Variants in MPDZ observed in about 807,000 individuals in gnomAD.
MPDZ encodes multiple PDZ domain protein.
Under a neutral mutation model 239.1 loss-of-function variants are expected in MPDZ, and 234 were observed. The observed-to-expected ratio is 0.98, with a 90% CI of 0.88 to 1.09. MPDZ has a LOEUF of 1.09. Among genes scored for constraint, MPDZ ranks in the 50% least tolerant of loss-of-function variants. The probability of loss-of-function intolerance (pLI) is 0.00; values close to 1 mark genes in which losing one functional copy is unlikely to be tolerated. For synonymous variants in MPDZ, 1,048 were observed against 881.3 expected, an observed-to-expected ratio of 1.19 and a Z score of -3.35; for missense variants, 3,175 against 2,510.0, an observed-to-expected ratio of 1.26 and a Z score of -5.66.
In MPDZ at chr9:13,146,499, G is replaced by A. The variant is rs558117941; in HGVS notation, c.3741+1049C>T. Among the ~76,000 whole-genome samples, 5 of 151,980 alleles carry A rather than the reference G, an allele frequency of 3.3e-5. 1 individual carries two copies. The highest frequency in any genetic ancestry group is 1.2e-4 in the African/African-American group (5 of 41,500). On this transcript the variant is annotated intron_variant, in intron 26 of 46. Coordinates refer to ENST00000319217, the MANE Select transcript of MPDZ (RefSeq NM_001378778.1). ...AAATTAAATATTTTAAGTTTTAGACGATGCGTTCAACTTCCCTCACATATG... is the reference window on the plus strand; with the variant it reads ...AAATTAAATATTTTAAGTTTTAGACAATGCGTTCAACTTCCCTCACATATG...
chr9:13,223,971 C>A (rs1366276570), intron 4 of MPDZ, among the ~76,000 whole-genome samples: 1 of 151,862 alleles, frequency 6.6e-6, no homozygotes, highest in Non-Finnish European at 1.5e-5. Flanking sequence ...GAATTTGGGA[C>A]TGTAGTGAGC....
chr9:13,191,016 CATAACTTAA>C, intron 15 of MPDZ, among the ~76,000 whole-genome samples: 1 of 152,070 alleles, frequency 6.6e-6, no homozygotes, highest in Non-Finnish European at 1.5e-5. Context: ...TCTGTATGAA[CATAACTTAA>C]AGAAAGATGT....
chr9:13,153,302 T>C (rs1429743262), intron 24 of MPDZ, among the ~76,000 whole-genome samples: 2 of 152,144 alleles, frequency 1.3e-5, no homozygotes, highest in Non-Finnish European at 2.9e-5. Flanking sequence ...ACCTGTTTAG[T>C]TTAAAACGAC....
At position 13,126,729 on chromosome 9, in the gene MPDZ, A is replaced by C; in HGVS notation, c.4508T>G (p.Leu1503Arg). 2 of 1,613,904 alleles carry C rather than the reference A, an allele frequency of 1.2e-6. No homozygotes were observed. The highest frequency in any genetic ancestry group is 1.7e-6 in the Non-Finnish European group (2 of 1,179,812). ...LGIAISEEDT[L>R]SGVIIKSLTE... ...TAAGCTCTTTATGATGACTCCACTG[A>C]GTGTATCTTCTTCGCTGATAGCAAT... Residue 1503 changes from leucine (L) to arginine (R), a missense_variant, in exon 33 of 47, where the codon CTC becomes CGC. Coordinates refer to ENST00000319217, the MANE Select transcript of MPDZ (RefSeq NM_001378778.1).
chr9:13,272,297 G>C (rs1046021527), intron 1 of MPDZ, among the ~76,000 whole-genome samples: 17 of 152,088 alleles, frequency 1.1e-4, no homozygotes, highest in Non-Finnish European at 2.4e-4. Context: ...AAGCTAGCTA[G>C]GGAGCAATAA....
chr9:13,126,726 C>A lies in MPDZ; in HGVS notation c.4511G>T (p.Ser1504Ile). ...TGTTAAGCTCTTTATGATGACTCCA[C>A]TGAGTGTATCTTCTTCGCTGATAGC... ...GIAISEEDTL[S>I]GVIIKSLTEH... The change falls in exon 33 of 47, where the codon AGT becomes ATT. Residue 1504 changes from serine to isoleucine, a missense_variant. Ser to Ile is a moderately radical substitution (Grantham distance 142). Coordinates refer to ENST00000319217, the MANE Select transcript of MPDZ (RefSeq NM_001378778.1). The A allele has an allele frequency of 6.2e-7, 1 of 1,613,926 alleles. No homozygotes were observed. Among genetic ancestry groups the A allele is most frequent in the Admixed American group, 1.7e-5 (1 of 60,016 alleles).
At chr9:13,231,615 A>G (rs1962495963) in intron 3 of MPDZ, among the ~76,000 whole-genome samples, 1 of 151,966 alleles carries the variant, frequency 6.6e-6, no homozygotes, top group South Asian at 2.1e-4. Flanking sequence ...ACTATTAAAA[A>G]TCCCCCCTCC....
At position 13,106,884 on chromosome 9, in the gene MPDZ, T is replaced by TA; in HGVS notation, c.*80dup. 1.3e-6 allele frequency: 2 copies of TA among 1,488,352 alleles called. No individual in the cohort carries two copies. The highest frequency in any genetic ancestry group is 1.3e-5 in the South Asian group (1 of 76,856). The allele number at this position is 1,488,352 out of a possible 1,614,324, so 92.2% of individuals were successfully genotyped here. A position where few individuals can be genotyped will look rare whatever the true frequency, so the allele number is the denominator to read the frequency against. Reference sequence around the variant, plus strand: ...TTTGAAGACCCGGCTGAACACAGCATAAAAATTGTCAGGACCAGTGCATTC... The same window carrying TA: ...TTTGAAGACCCGGCTGAACACAGCATAAAAAATTGTCAGGACCAGTGCATTC... On this transcript the variant is annotated 3_prime_UTR_variant, in exon 47 of 47. Transcript: ENST00000319217.
chr9:13,153,996 A>C (rs1166332843), intron 24 of MPDZ, among the ~76,000 whole-genome samples: 1 of 152,130 alleles, frequency 6.6e-6, no homozygotes, highest in Non-Finnish European at 1.5e-5. Flanking sequence ...ATATACTTTC[A>C]TTTAATTTTC....
rs764412277 is a variant in MPDZ at position 13,125,398 on chromosome 9, G to C, written c.4633-8C>G. 3.7e-6 allele frequency: 6 copies of C among 1,610,676 alleles called. No individual in the cohort carries two copies. The Admixed American group carries it at 1.0e-4, about 27-fold the overall frequency. ...CTTCAGAAGGCTAATAAACTGGCAG[G>C]GTGTATGTGTGGAAGAGAAACAAAA... On this transcript the variant is annotated splice_polypyrimidine_tract_variant and splice_region_variant and intron_variant, in intron 34 of 46. Transcript: ENST00000319217.
At chr9:13,216,897 C>A (rs1409409360) in intron 9 of MPDZ, 35 bp from the exon 10 acceptor site, 2 of 1,507,304 alleles carry the variant, frequency 1.3e-6, no homozygotes, top group East Asian at 2.3e-5. Context: ...TCACAATTTT[C>A]AAAGCACATT....
chr9:13,152,086 C>G (rs980620749), intron 24 of MPDZ, among the ~76,000 whole-genome samples: 7 of 152,020 alleles, frequency 4.6e-5, no homozygotes, highest in African/African-American at 1.7e-4. Flanking sequence ...TCAGCTACTG[C>G]TAAACAGATA....
intron 29 of MPDZ, 35 bp downstream of exon 29, chr9:13,137,922 C>G: frequency 6.2e-7 from 1 of 1,602,948 alleles, no homozygotes; most frequent in East Asian, 2.2e-5. Flanking sequence ...CCTTATAAAA[C>G]AAGAATAAAT....
chr9:13,275,273 A>C lies in MPDZ; in HGVS notation c.-58+4127T>G, dbSNP rs115070434. Among the ~76,000 whole-genome samples, 514 of 152,336 alleles carry C rather than the reference A, an allele frequency of 3.4e-3. 3 individuals carry two copies. Among genetic ancestry groups the C allele is most frequent in the African/African-American group, 0.012 (489 of 41,576 alleles). On this transcript the variant is annotated intron_variant, in intron 1 of 46. Transcript: ENST00000319217. ...TTGGAGATAAAGGTTAAATGAGGTCACTAGGGGTGGGCTCTAACACAATAT... is the reference window on the plus strand; with the variant it reads ...TTGGAGATAAAGGTTAAATGAGGTCCCTAGGGGTGGGCTCTAACACAATAT...
intron 7 of MPDZ, among the ~76,000 whole-genome samples, 151 bp from the exon 8 acceptor site, chr9:13,219,919 T>G (rs1017939679): frequency 3.9e-5 from 6 of 151,988 alleles, no homozygotes; most frequent in Non-Finnish European, 7.4e-5. Context: ...ATTAACTGTC[T>G]TTTGAAACAT....
intron 43 of MPDZ, among the ~76,000 whole-genome samples, chr9:13,111,562 T>G (rs1586863016): frequency 6.6e-6 from 1 of 152,332 alleles, no homozygotes; most frequent in Middle Eastern, 3.4e-3. Flanking sequence ...TCCCTCAGCT[T>G]TGAGGCAAGT....
intron 25 of MPDZ, 94 bp downstream of exon 25, chr9:13,150,413 GTACC>G (rs1457575305): frequency 2.4e-5 from 23 of 952,684 alleles, no homozygotes; most frequent in Non-Finnish European, 3.2e-5. Context: ...TTTAGCACAT[GTACC>G]CTAAAACTTA....
At chr9:13,221,576 G>C in intron 6 of MPDZ, 76 bp from the exon 7 acceptor site, 1 of 1,501,062 alleles carries the variant, frequency 6.7e-7, no homozygotes. Flanking sequence ...AGAAATTTTT[G>C]CGATTATTTT....
intron 3 of MPDZ, among the ~76,000 whole-genome samples, chr9:13,237,819 T>C (rs1328505148): frequency 6.6e-6 from 1 of 152,274 alleles, no homozygotes. Flanking sequence ...AGACTGCAAC[T>C]GATATCAGCA....
Sources: allele counts gnomAD v4.1 joint callset (sites outside exome capture counted in the v4.1 genomes callset), GRCh38; gene constraint gnomAD v4.1.1; transcripts MANE v1.5; gene names NCBI Gene and HGNC (gene_info 2026-07-23, HGNC 2026-07-21).